The following NDUFA9 variants were observed in gnomAD, a reference collection of about 807,000 sequenced individuals.
NDUFA9 encodes the protein NADH:ubiquinone oxidoreductase subunit A9, also known as NADH dehydrogenase [ubiquinone] 1 alpha subcomplex subunit 9, mitochondrial.
A neutral mutation model predicts 45.9 loss-of-function variants in NDUFA9; 23 were observed. The observed-to-expected ratio is 0.50, with a 90% confidence interval of 0.36 to 0.71. NDUFA9 has a LOEUF of 0.71. Among genes scored for constraint, NDUFA9 ranks in the 30% least tolerant of loss-of-function variants. NDUFA9 has a pLI of 0.00. For synonymous variants in NDUFA9, 176 were observed against 170.5 expected (o/e 1.03, Z -0.25); for missense variants, 466 against 488.2 (o/e 0.95, Z 0.43).
intron 4 of NDUFA9, 32 bp downstream of exon 4, chr12:4,657,871 T>C: frequency 6.5e-7 from 1 of 1,540,810 alleles, no homozygotes; most frequent in Non-Finnish European, 9.0e-7. Flanking sequence ...CTTCTTTGCT[T>C]AAGTCTTTCT....
At chr12:4,654,262 A>G (rs746965071) in intron 1 of NDUFA9, 30 bp from the exon 2 acceptor site, 1 of 1,566,002 alleles carries the variant, frequency 6.4e-7, no homozygotes, top group Admixed American at 1.9e-5. Flanking sequence ...AATATTTGCC[A>G]TGCTTGTATA....
intron 8 of NDUFA9, among the ~76,000 whole-genome samples, chr12:4,678,075 T>G (rs1406262817): frequency 6.6e-6 from 1 of 152,092 alleles, no homozygotes; most frequent in Admixed American, 6.5e-5. Context: ...TTCTCACTTA[T>G]AAGTGGGAGT....
rs1395734144 is a variant in NDUFA9, at chr12:4,691,903, C to CTGCA, written c.*4796_*4799dup. ...CTCATCCTTATGACAGGAAGTAGTC[C>CTGCA]TGCAGCTTGGAGCAAGGTGCCCACC... On this transcript the variant is annotated 3_prime_UTR_variant, in exon 11 of 11. Transcript: ENST00000266544. 1 of 152,020 alleles carries CTGCA rather than the reference C, an allele frequency of 6.6e-6. No homozygotes were observed. The highest frequency in any genetic ancestry group is 2.4e-5 in the African/African-American group (1 of 41,380). The allele number at this position is 152,020 out of a possible 1,614,324, so 9.4% of individuals were successfully genotyped here. A position where few individuals can be genotyped will look rare whatever the true frequency, so the allele number is the denominator to read the frequency against.
intron 8 of NDUFA9, among the ~76,000 whole-genome samples, chr12:4,674,983 A>C (rs1411926076): frequency 6.6e-6 from 1 of 152,254 alleles, no homozygotes; most frequent in Admixed American, 6.5e-5. Context: ...ACCACAGGAC[A>C]ATCAAATTAG....
At chr12:4,675,276 C>A (rs889595546) in intron 8 of NDUFA9, among the ~76,000 whole-genome samples, 2 of 152,038 alleles carry the variant, frequency 1.3e-5, no homozygotes, top group African/African-American at 2.4e-5. Context: ...CAGGAACAAA[C>A]AAATTTAAAA....
chr12:4,660,710 C>A (rs11614030), intron 5 of NDUFA9, among the ~76,000 whole-genome samples: 41,853 of 151,854 alleles, frequency 0.28, 5,975 homozygotes, highest in Middle Eastern at 0.38. Context: ...AAGCCATGGC[C>A]AGACAGTCTC....
intron 8 of NDUFA9, among the ~76,000 whole-genome samples, chr12:4,676,071 C>T (rs1203188424): frequency 6.6e-6 from 1 of 152,168 alleles, no homozygotes; most frequent in East Asian, 1.9e-4. Context: ...ATGCAGAAGG[C>T]CTTCGACAAA....
At chr12:4,674,242 A>G (rs1945905031) in intron 8 of NDUFA9, among the ~76,000 whole-genome samples, 1 of 152,236 alleles carries the variant, frequency 6.6e-6, no homozygotes, top group Non-Finnish European at 1.5e-5. Flanking sequence ...CATTGACGCT[A>G]TGAAGAAACT....
rs369899957 is a variant in NDUFA9 at position 4,657,800 on chromosome 12, A to G, written c.371A>G (p.Asn124Ser). The G allele has an allele frequency of 3.1e-6, 5 of 1,613,690 alleles. No individual in the cohort carries two copies. Among genetic ancestry groups the G allele is most frequent in the Non-Finnish European group, 4.2e-6 (5 of 1,179,734 alleles). The change falls in exon 4 of 11, where the codon AAT becomes AGT. Residue 124 changes from asparagine (N) to serine (S), a missense_variant. Transcript: ENST00000266544. ...DSIRRVVQHS[N>S]VVINLIGRDW... ...ATCCGACGAGTAGTACAACACAGCA[A>G]TGTGGTCATCAATCTTATTGGACGA...
At chr12:4,658,195 G>A (rs1362863605) in intron 4 of NDUFA9, among the ~76,000 whole-genome samples, 1 of 152,202 alleles carries the variant, frequency 6.6e-6, no homozygotes. Flanking sequence ...TGTAGACAGT[G>A]TTCTAGATGT....
At chr12:4,657,723 A>G (rs758062615) in intron 3 of NDUFA9, 25 bp from the exon 4 acceptor site, 1 of 1,567,988 alleles carries the variant, frequency 6.4e-7, no homozygotes, top group South Asian at 1.1e-5. Flanking sequence ...CTATGTTTTC[A>G]TCCGATTGCT....
At chr12:4,653,829 GT>G (rs1945773604) in intron 1 of NDUFA9, among the ~76,000 whole-genome samples, 1 of 150,948 alleles carries the variant, frequency 6.6e-6, no homozygotes, top group Non-Finnish European at 1.5e-5. Flanking sequence ...CTGTTGCCCT[GT>G]GCTGTAGGCT....
Position 4,659,067 on chromosome 12 carries a change from A to T in NDUFA9, c.442A>T (p.Ile148Phe). ...NFDFEDVFVK[I>F]PQAIAQLSKE... The stretch of plus-strand genomic sequence containing the variant: ...TGATTTTGAGGATGTTTTTGTGAAG[A>T]TTCCCCAAGCAATTGCTCAACTGTC... Residue 148 changes from isoleucine to phenylalanine, a missense_variant, in exon 5 of 11, where the codon ATT becomes TTT. Ile to Phe is a conservative substitution (Grantham distance 21). Transcript: ENST00000266544. 6.2e-7 allele frequency: 1 copy of T among 1,613,286 alleles called. No homozygotes were observed. The highest frequency in any genetic ancestry group is 1.1e-5 in the South Asian group (1 of 91,016).
chr12:4,685,213 G>A (rs758907489), intron 9 of NDUFA9, 46 bp from the exon 10 acceptor site: 1 of 1,507,848 alleles, frequency 6.6e-7, no homozygotes, highest in Admixed American at 1.7e-5. Flanking sequence ...TACATCTTGG[G>A]CAGAGAGATG....
At chr12:4,673,109 A>T (rs1945897503) in intron 8 of NDUFA9, among the ~76,000 whole-genome samples, 1 of 152,346 alleles carries the variant, frequency 6.6e-6, no homozygotes, top group South Asian at 2.1e-4. Context: ...GTGGACCTCC[A>T]GCAGACCTGC....
At chr12:4,665,935 G>A (rs1023525590) in intron 6 of NDUFA9, among the ~76,000 whole-genome samples, 11 of 151,894 alleles carry the variant, frequency 7.2e-5, no homozygotes, top group African/African-American at 2.7e-4. Flanking sequence ...CTACATAGGT[G>A]GGACTAGAGG....
intron 6 of NDUFA9, 80 bp downstream of exon 6, chr12:4,662,715 G>C (rs1361072523): frequency 1.8e-6 from 2 of 1,103,894 alleles, no homozygotes; most frequent in African/African-American, 1.6e-5. Flanking sequence ...AGTTTTCTCT[G>C]ATTGACAGAC....
At chr12:4,677,648 G>T (rs1393849287) in intron 8 of NDUFA9, among the ~76,000 whole-genome samples, 1 of 152,216 alleles carries the variant, frequency 6.6e-6, no homozygotes, top group Non-Finnish European at 1.5e-5. Flanking sequence ...GGAAACAACA[G>T]ATGCTGGAGA....
At position 4,691,840 on chromosome 12, in the gene NDUFA9, GTTTGCTGATTGGC is replaced by G. The variant is rs1946020409; in HGVS notation, c.*4736_*4748del. ...GGGGGGGGGGTCATGGGTCATCTGT[GTTTGCTGATTGGC>G]TTTATCCAAAGGAAGAGTAAACATC... On this transcript the variant is annotated 3_prime_UTR_variant, in exon 11 of 11. Coordinates refer to ENST00000266544, the MANE Select transcript of NDUFA9 (RefSeq NM_005002.5). The G allele has an allele frequency of 2.0e-5, 3 of 151,394 alleles. No homozygotes were observed. The highest frequency in any genetic ancestry group is 7.3e-5 in the African/African-American group (3 of 41,100). The allele number at this position is 151,394 out of a possible 1,614,324, so 9.4% of individuals were successfully genotyped here. A position where few individuals can be genotyped will look rare whatever the true frequency, so the allele number is the denominator to read the frequency against.
Sources: gnomAD v4.1 joint callset for allele counts (sites outside exome capture counted in the v4.1 genomes callset) on GRCh38, gnomAD v4.1.1 for gene constraint, MANE v1.5 for transcripts, NCBI Gene and HGNC (gene_info 2026-07-23, HGNC 2026-07-21) for gene names.